CAPN3: variants seen among roughly 807,000 people sequenced by gnomAD.
CAPN3 encodes the protein calpain-3.
Under a neutral mutation model 114.0 loss-of-function variants are expected in CAPN3, and 88 were observed. The observed-to-expected ratio is 0.77, with a 90% CI of 0.65 to 0.92. The LOEUF is 0.92. Among genes scored for constraint, CAPN3 ranks in the 40% least tolerant of loss-of-function variants. CAPN3 has a pLI of 0.00. For missense variants in CAPN3, 1,028 were observed against 1,069.0 expected (o/e 0.96, Z 0.53); for synonymous variants, 386 against 382.9 (o/e 1.01, Z -0.09).
At position 42,372,494 on chromosome 15, in the gene CAPN3, C is replaced by T. The variant is rs145428452; in HGVS notation, c.310-11989C>T. Among the ~76,000 whole-genome samples the T allele has an allele frequency of 4.3e-4, 66 of 152,278 alleles. 1 individual carries two copies. The East Asian group carries it at 0.012, about 28-fold the overall frequency. Reference sequence around the variant, plus strand: ...ATCTTTTGTCAGATTTATTCCTAGGCATCTTTTAACAAAAATGGTTAAACA... The same window carrying T: ...ATCTTTTGTCAGATTTATTCCTAGGTATCTTTTAACAAAAATGGTTAAACA... On this transcript the variant is annotated intron_variant, in intron 1 of 23. Transcript: ENST00000397163.
chr15:42,410,039 A>C, intron 19 of CAPN3, 44 bp downstream of exon 19: 1 of 1,582,136 alleles, frequency 6.3e-7, no homozygotes, highest in Non-Finnish European at 8.7e-7. Context: ...TCATCAGCCC[A>C]CGGGGGCCAA....
intron 6 of CAPN3, among the ~76,000 whole-genome samples, chr15:42,390,379 C>G (rs1022140812): frequency 2.0e-5 from 3 of 152,174 alleles, no homozygotes; most frequent in Admixed American, 1.3e-4. Context: ...AAAGATACTT[C>G]ATTTATTTTG....
intron 1 of CAPN3, among the ~76,000 whole-genome samples, chr15:42,368,326 G>T (rs1046777561): frequency 6.6e-6 from 1 of 152,094 alleles, no homozygotes; most frequent in African/African-American, 2.4e-5. Flanking sequence ...TCTCATTTCT[G>T]TGCTTTTTAT....
In CAPN3 at chr15:42,378,270, T is replaced by G. The variant is rs545943672; in HGVS notation, c.310-6213T>G. ...CACCCCGGGGGGAGCTATCCTGCCGTGAGTGATCAAAAGTTAGTTTTAGGA... is the reference window on the plus strand; with the variant it reads ...CACCCCGGGGGGAGCTATCCTGCCGGGAGTGATCAAAAGTTAGTTTTAGGA... On this transcript the variant is annotated intron_variant, in intron 1 of 23. Coordinates refer to ENST00000397163, the MANE Select transcript of CAPN3 (RefSeq NM_000070.3). 1.6e-4 allele frequency among the ~76,000 whole-genome samples: 25 copies of G among 152,276 alleles called. 1 individual carries two copies. In the South Asian group the frequency reaches 5.2e-3, roughly 32 times the overall value.
At chr15:42,383,185 G>T (rs1213671180) in intron 1 of CAPN3, among the ~76,000 whole-genome samples, 13 of 152,194 alleles carry the variant, frequency 8.5e-5, no homozygotes, top group South Asian at 2.1e-4. Context: ...GCTCACTTGG[G>T]TATATTGGGT....
chr15:42,411,698 G>GA, intron 23 of CAPN3, 49 bp from the exon 24 acceptor site: 1 of 820,926 alleles, frequency 1.2e-6, no homozygotes, highest in Non-Finnish European at 1.9e-6. Flanking sequence ...CGGGGGGGGG[G>GA]GGGGTCACTC....
At chr15:42,396,013 C>A (rs1188733703) in intron 8 of CAPN3, among the ~76,000 whole-genome samples, 1 of 152,202 alleles carries the variant, frequency 6.6e-6, no homozygotes, top group Non-Finnish European at 1.5e-5. Context: ...ACAGACTTGG[C>A]CTTTTTCCTT....
At chr15:42,403,628 A>G (rs1167705526) in intron 13 of CAPN3, 113 bp from the exon 14 acceptor site, 4 of 964,000 alleles carry the variant, frequency 4.1e-6, no homozygotes, top group Non-Finnish European at 6.8e-6. Context: ...GGGGTTCTCT[A>G]GAGGCTGGTT....
At chr15:42,394,536 C>A (rs1472400388) in intron 8 of CAPN3, among the ~76,000 whole-genome samples, 195 bp downstream of exon 8, 1 of 152,044 alleles carries the variant, frequency 6.6e-6, no homozygotes, top group Non-Finnish European at 1.5e-5. Flanking sequence ...GTGCTGGGGA[C>A]CCAGAGAGGT....
At chr15:42,390,524 G>A (rs1469094680) in intron 6 of CAPN3, among the ~76,000 whole-genome samples, 1 of 152,030 alleles carries the variant, frequency 6.6e-6, no homozygotes, top group East Asian at 1.9e-4. Flanking sequence ...AAAAAGCAAG[G>A]TCTCCCTCTT....
intron 8 of CAPN3, 96 bp downstream of exon 8, chr15:42,394,437 T>G: frequency 1.0e-6 from 1 of 991,400 alleles, no homozygotes; most frequent in African/African-American, 1.6e-5. Flanking sequence ...TTGAAGATGC[T>G]TGGTATAAAA....
At chr15:42,398,622 CACACACACACACAT>C (rs1566979011) in intron 9 of CAPN3, among the ~76,000 whole-genome samples, 2 of 148,684 alleles carry the variant, frequency 1.3e-5, no homozygotes, top group South Asian at 2.2e-4. Flanking sequence ...CACACACACA[CACACACACACACAT>C]ATATATACAC....
chr15:42,387,387 T>C (rs2053432776), intron 3 of CAPN3, among the ~76,000 whole-genome samples: 2 of 152,170 alleles, frequency 1.3e-5, no homozygotes, highest in South Asian at 2.1e-4. Context: ...CCTGGCCACA[T>C]TGAATCAGCT....
chr15:42,405,134 A>C (rs1398777238), intron 14 of CAPN3, among the ~76,000 whole-genome samples: 1 of 152,190 alleles, frequency 6.6e-6, no homozygotes, highest in South Asian at 2.1e-4. Flanking sequence ...CGCAGGGATT[A>C]CAGGCCCAGG....
intron 15 of CAPN3, among the ~76,000 whole-genome samples, chr15:42,407,084 C>A (rs1055129766): frequency 1.3e-5 from 2 of 152,008 alleles, no homozygotes; most frequent in Non-Finnish European, 2.9e-5. Flanking sequence ...CCTTGCCTTC[C>A]CCCGGCTTTC....
intron 1 of CAPN3, among the ~76,000 whole-genome samples, chr15:42,368,436 C>G (rs1380896366): frequency 6.6e-6 from 1 of 152,194 alleles, no homozygotes; most frequent in African/African-American, 2.4e-5. Flanking sequence ...GCTTTGTTCA[C>G]ACACAAGTTA....
At chr15:42,368,017 A>G (rs2141119400) in intron 1 of CAPN3, among the ~76,000 whole-genome samples, 1 of 152,352 alleles carries the variant, frequency 6.6e-6, no homozygotes, top group South Asian at 2.1e-4. Flanking sequence ...ACTTTATGCC[A>G]TAGGCATGGC....
At chr15:42,377,340 A>C (rs1020514664) in intron 1 of CAPN3, among the ~76,000 whole-genome samples, 12 of 152,128 alleles carry the variant, frequency 7.9e-5, no homozygotes, top group Non-Finnish European at 1.5e-4. Context: ...AGTTGAGGAC[A>C]TTCTCCTCTC....
At chr15:42,405,344 CT>C (rs1324561752) in intron 14 of CAPN3, among the ~76,000 whole-genome samples, 1 of 152,150 alleles carries the variant, frequency 6.6e-6, no homozygotes, top group Non-Finnish European at 1.5e-5. Context: ...GAGTTTCACT[CT>C]TGTCACCCAG....
Sources: allele counts gnomAD v4.1 joint callset (sites outside exome capture counted in the v4.1 genomes callset), GRCh38; gene constraint gnomAD v4.1.1; transcripts MANE v1.5; gene names NCBI Gene and HGNC (gene_info 2026-07-23, HGNC 2026-07-21).